EBF1: variants seen among roughly 807,000 people sequenced by gnomAD.
The protein encoded by EBF1 is EBF transcription factor 1.
Under a neutral mutation model 68.4 loss-of-function variants are expected in EBF1, and 10 were observed. That is an observed-to-expected ratio of 0.15 (90% CI 0.09 to 0.25). The LOEUF is 0.25. EBF1 is among the 10% of genes least tolerant of loss of function. The pLI, the probability that EBF1 is intolerant of heterozygous loss-of-function variation, is 1.00. For missense variants in EBF1, 509 were observed against 794.4 expected, an observed-to-expected ratio of 0.64 and a Z score of 4.32; for synonymous variants, 298 against 299.8, an observed-to-expected ratio of 0.99 and a Z score of 0.06.
intron 4 of EBF1, among the ~76,000 whole-genome samples, chr5:159,086,762 A>G (rs1163041110): frequency 6.6e-6 from 1 of 152,150 alleles, no homozygotes; most frequent in Non-Finnish European, 1.5e-5. Context: ...ACTTTACCCT[A>G]TGCAATTCAT....
chr5:159,043,462 A>G (rs367567814), intron 6 of EBF1, among the ~76,000 whole-genome samples: 12 of 152,312 alleles, frequency 7.9e-5, no homozygotes, highest in South Asian at 6.2e-4. Flanking sequence ...TAGACTGTAA[A>G]GTCTATGCAA....
chr5:159,012,149 T>C (rs1355682610), intron 6 of EBF1, among the ~76,000 whole-genome samples: 1 of 152,086 alleles, frequency 6.6e-6, no homozygotes, highest in Non-Finnish European at 1.5e-5. Flanking sequence ...TAGCTGGGTG[T>C]GGTGGCACGC....
chr5:158,974,282 T>C (rs1756261134), intron 6 of EBF1, among the ~76,000 whole-genome samples: 1 of 152,202 alleles, frequency 6.6e-6, no homozygotes, highest in Admixed American at 6.5e-5. Flanking sequence ...AGGCAGAAAG[T>C]CTGGAAAATT....
chr5:158,793,865 G>C (rs1380469753), intron 9 of EBF1, among the ~76,000 whole-genome samples: 2 of 152,146 alleles, frequency 1.3e-5, no homozygotes, highest in African/African-American at 4.8e-5. Flanking sequence ...AGAGAAAATT[G>C]TGTGTGCCAA....
intron 6 of EBF1, among the ~76,000 whole-genome samples, chr5:159,034,174 T>C (rs1769543143): frequency 6.6e-6 from 1 of 152,214 alleles, no homozygotes; most frequent in Non-Finnish European, 1.5e-5. Context: ...ACTCAAACTA[T>C]GCTTTTTTTG....
chr5:158,775,952 A>T (rs918730573), intron 10 of EBF1, among the ~76,000 whole-genome samples: 1 of 152,148 alleles, frequency 6.6e-6, no homozygotes, highest in African/African-American at 2.4e-5. Flanking sequence ...CCTAATTAAA[A>T]ACACTTGGCC....
chr5:158,738,571 ACT>A (rs753363587), intron 10 of EBF1, among the ~76,000 whole-genome samples: 16 of 152,080 alleles, frequency 1.1e-4, no homozygotes, highest in Non-Finnish European at 1.5e-5. Context: ...GTCATATAAG[ACT>A]CTTTTTCCAG....
intron 8 of EBF1, among the ~76,000 whole-genome samples, chr5:158,811,031 G>A (rs536714899): frequency 6.6e-6 from 1 of 152,166 alleles, no homozygotes; most frequent in Admixed American, 6.5e-5. Context: ...TTTTGAGGAT[G>A]CTAAAATCAT....
chr5:158,835,950 C>T (rs1229558621), intron 7 of EBF1, among the ~76,000 whole-genome samples: 9 of 152,144 alleles, frequency 5.9e-5, no homozygotes, highest in Non-Finnish European at 5.9e-5. Context: ...ATCATCATCG[C>T]TACCAATATC....
intron 6 of EBF1, among the ~76,000 whole-genome samples, chr5:158,890,258 T>A (rs1454073477): frequency 1.3e-5 from 2 of 152,250 alleles, no homozygotes; most frequent in Non-Finnish European, 2.9e-5. Context: ...TAAAAATGTT[T>A]AATTCCTGCT....
intron 8 of EBF1, among the ~76,000 whole-genome samples, chr5:158,801,216 G>A (rs914796232): frequency 1.3e-5 from 2 of 152,064 alleles, no homozygotes; most frequent in Non-Finnish European, 2.9e-5. Flanking sequence ...AGTTAAAATG[G>A]AAATTATTAG....
rs183087709 is a variant in EBF1 at position 158,992,907 on chromosome 5, C to T, written c.554+80489G>A. On this transcript the variant is annotated intron_variant, in intron 6 of 15. Transcript: ENST00000313708. ...ACTAAGGGGTATATTAAGAGCCCTG[C>T]TGTTTCTTTCTTTTTTTTTTTTTTT... Among the ~76,000 whole-genome samples, 16 of 140,456 alleles carry T rather than the reference C, an allele frequency of 1.1e-4. No individual in the cohort carries two copies. The East Asian group carries it at 3.4e-3, about 30-fold the overall frequency. 92.1% of individuals were successfully genotyped at this position (140,456 alleles called of 152,430 possible).
intron 4 of EBF1, among the ~76,000 whole-genome samples, chr5:159,085,840 G>A (rs992759004): frequency 6.6e-6 from 1 of 151,928 alleles, no homozygotes; most frequent in Non-Finnish European, 1.5e-5. Flanking sequence ...TGACTCTAAC[G>A]TGCTTTGTTT....
intron 6 of EBF1, among the ~76,000 whole-genome samples, chr5:158,929,244 G>A (rs1177448574): frequency 2.0e-5 from 3 of 152,108 alleles, no homozygotes; most frequent in African/African-American, 7.2e-5. Context: ...AGCAAACAGA[G>A]AGTAATTCTC....
chr5:158,921,119 A>C (rs1338025107), intron 6 of EBF1, among the ~76,000 whole-genome samples: 1 of 152,234 alleles, frequency 6.6e-6, no homozygotes, highest in Non-Finnish European at 1.5e-5. Flanking sequence ...TTGACCTCAC[A>C]ATATGGTAAC....
chr5:159,018,542 T>C (rs1234391057), intron 6 of EBF1, among the ~76,000 whole-genome samples: 1 of 152,246 alleles, frequency 6.6e-6, no homozygotes, highest in Non-Finnish European at 1.5e-5. Context: ...TTTCTCTTTT[T>C]TAATTTTTTG....
At chr5:158,854,744 G>A (rs143128105) in intron 6 of EBF1, among the ~76,000 whole-genome samples, 57 of 152,260 alleles carry the variant, frequency 3.7e-4, no homozygotes, top group African/African-American at 9.4e-4. Flanking sequence ...GAAAGAAGAC[G>A]CCATCAAACC....
intron 8 of EBF1, among the ~76,000 whole-genome samples, chr5:158,810,914 T>C (rs923807527): frequency 5.9e-5 from 9 of 152,134 alleles, no homozygotes; most frequent in Non-Finnish European, 8.8e-5. Context: ...TTTTAATTAC[T>C]AGGTCATCTC....
chr5:159,044,011 G>A (rs899317968), intron 6 of EBF1, among the ~76,000 whole-genome samples: 2 of 152,190 alleles, frequency 1.3e-5, no homozygotes, highest in African/African-American at 4.8e-5. Flanking sequence ...ATGTCACTAG[G>A]TGAGAAGTTC....
Sources: allele counts gnomAD v4.1 joint callset (sites outside exome capture counted in the v4.1 genomes callset), GRCh38; gene constraint gnomAD v4.1.1; transcripts MANE v1.5; gene names NCBI Gene and HGNC (gene_info 2026-07-23, HGNC 2026-07-21).